Variants in DISC1 observed in about 807,000 individuals in gnomAD.
DISC1 encodes DISC1 scaffold protein.
A neutral mutation model predicts 84.5 loss-of-function variants in DISC1; 57 were observed. That is an observed-to-expected ratio of 0.67 (90% confidence interval 0.55 to 0.84). The LOEUF is 0.84. Ranked by LOEUF, DISC1 falls within the 40% of genes least tolerant of loss-of-function variation. DISC1 has a pLI of 0.00. For synonymous variants in DISC1, 411 were observed against 415.2 expected (o/e 0.99, Z 0.12); for missense variants, 1,000 against 1,057.8 (o/e 0.95, Z 0.76).
At chr1:231,664,474 G>C (rs940333668) in intron 1 of DISC1, among the ~76,000 whole-genome samples, 4 of 152,132 alleles carry the variant, frequency 2.6e-5, no homozygotes, top group Admixed American at 2.6e-4. Context: ...TTAAGTTAAG[G>C]ATCTTTAGAT....
At chr1:231,665,785 T>C (rs570205528) in intron 1 of DISC1, among the ~76,000 whole-genome samples, 1 of 152,330 alleles carries the variant, frequency 6.6e-6, no homozygotes, top group East Asian at 1.9e-4. Context: ...TCCCATGTTG[T>C]TCAAGGGTCA....
intron 3 of DISC1, among the ~76,000 whole-genome samples, chr1:231,744,846 A>G (rs986291072): frequency 6.6e-6 from 1 of 152,218 alleles, no homozygotes; most frequent in Non-Finnish European, 1.5e-5. Context: ...AGGAAAAAAC[A>G]CTACCTGTTA....
At chr1:232,008,421 A>G (rs1667728942) in intron 10 of DISC1, among the ~76,000 whole-genome samples, 1 of 152,204 alleles carries the variant, frequency 6.6e-6, no homozygotes, top group Non-Finnish European at 1.5e-5. Flanking sequence ...ATGGACAGAG[A>G]GAGTTGATCT....
At position 231,982,685 on chromosome 1, in the gene DISC1, A is replaced by G. The variant is rs1362555894; in HGVS notation, c.2042+23797A>G. 2.0e-5 allele frequency among the ~76,000 whole-genome samples: 3 copies of G among 151,304 alleles called. No individual in the cohort carries two copies. The East Asian group carries it at 5.8e-4, about 29-fold the overall frequency. On this transcript the variant is annotated intron_variant, in intron 10 of 12. Transcript: ENST00000439617. ...GCTTCTGGAAAGCGACTTAGGGGAA[A>G]CACTCAGGTGTCAGCCATGTGAAGA...
intron 9 of DISC1, among the ~76,000 whole-genome samples, chr1:231,941,949 A>G (rs1010537398): frequency 1.4e-5 from 2 of 144,698 alleles, no homozygotes; most frequent in Non-Finnish European, 3.0e-5. Flanking sequence ...GGCTTAAAGG[A>G]TAAGCAAGCT....
At chr1:231,924,802 G>A (rs1021589455) in intron 9 of DISC1, among the ~76,000 whole-genome samples, 9 of 151,642 alleles carry the variant, frequency 5.9e-5, no homozygotes, top group Non-Finnish European at 1.0e-4. Flanking sequence ...GATTACAGGC[G>A]CCTGCCACCA....
intron 12 of DISC1, among the ~76,000 whole-genome samples, chr1:232,034,281 A>G (rs1572707913): frequency 6.6e-6 from 1 of 152,210 alleles, no homozygotes. Flanking sequence ...GATGACTCAC[A>G]AAAGACACTA....
At chr1:231,850,115 C>T (rs1228312563) in intron 9 of DISC1, among the ~76,000 whole-genome samples, 2 of 152,180 alleles carry the variant, frequency 1.3e-5, no homozygotes, top group Non-Finnish European at 2.9e-5. Context: ...GGGCTGGGCC[C>T]CACCTACGGA....
intron 3 of DISC1, among the ~76,000 whole-genome samples, chr1:231,730,461 T>A (rs185118687): frequency 6.6e-6 from 1 of 152,344 alleles, no homozygotes; most frequent in Admixed American, 6.5e-5. Flanking sequence ...GGATACATGT[T>A]GTGCAGGTTT....
At chr1:231,725,696 C>G (rs1009866301) in intron 3 of DISC1, among the ~76,000 whole-genome samples, 1 of 152,240 alleles carries the variant, frequency 6.6e-6, no homozygotes, top group Non-Finnish European at 1.5e-5. Context: ...AAGTCAAGAA[C>G]CTTCCTGGGA....
intron 12 of DISC1, among the ~76,000 whole-genome samples, chr1:232,035,920 T>G (rs1670477069): frequency 6.6e-6 from 1 of 152,224 alleles, no homozygotes; most frequent in Non-Finnish European, 1.5e-5. Context: ...TGCTAAGTTC[T>G]CTATGATTGT....
rs2103000183 is a variant in DISC1 at position 232,009,679 on chromosome 1, CT to C, written c.2307+631del. 2 of 788,882 alleles carry C rather than the reference CT, an allele frequency of 2.5e-6. No homozygotes were observed. Among genetic ancestry groups the C allele is most frequent in the Non-Finnish European group, 3.1e-6 (2 of 651,030 alleles). The allele number at this position is 788,882 out of a possible 1,614,324, so 48.9% of individuals were successfully genotyped here. On this transcript the variant is annotated intron_variant, in intron 11 of 12. Coordinates refer to ENST00000439617, the MANE Select transcript of DISC1 (RefSeq NM_018662.3). The surrounding 1 kb of genome is among the most constrained non-coding windows in gnomAD (Gnocchi z 4.6). The stretch of plus-strand genomic sequence containing the variant: ...ACTTTCTTTTTCTCTCCCCTCTTTC[CT>C]CTCTCCCTTCCCCTTCCACTCCTCA...
chr1:231,632,626 A>C (rs1427856966), intron 1 of DISC1, among the ~76,000 whole-genome samples: 7 of 152,216 alleles, frequency 4.6e-5, no homozygotes, highest in Non-Finnish European at 1.0e-4. Flanking sequence ...CAGCAGAGTG[A>C]TTGTTAGAAC....
chr1:231,668,489 T>A (rs1258672655), intron 1 of DISC1, among the ~76,000 whole-genome samples: 3 of 152,134 alleles, frequency 2.0e-5, no homozygotes, highest in African/African-American at 7.2e-5. Context: ...AACACAGTGG[T>A]CCAAGAGATG....
intron 1 of DISC1, among the ~76,000 whole-genome samples, chr1:231,646,651 G>T (rs538612036): frequency 6.6e-6 from 1 of 152,132 alleles, no homozygotes; most frequent in Admixed American, 6.5e-5. Context: ...TTCCACAATG[G>T]TTGAACTAGT....
intron 8 of DISC1, among the ~76,000 whole-genome samples, chr1:231,810,722 T>A (rs1219898220): frequency 3.3e-5 from 5 of 152,202 alleles, no homozygotes; most frequent in African/African-American, 1.2e-4. Context: ...CCTGTGTGCT[T>A]GGTCAGGGGA....
intron 1 of DISC1, among the ~76,000 whole-genome samples, chr1:231,681,103 G>T (rs189055239): frequency 6.6e-6 from 1 of 152,194 alleles, no homozygotes; most frequent in Non-Finnish European, 1.5e-5. Context: ...CACCCTTGAG[G>T]GGGGCTCAGA....
intron 9 of DISC1, among the ~76,000 whole-genome samples, chr1:231,877,634 T>G (rs2085984647): frequency 6.6e-6 from 1 of 152,220 alleles, no homozygotes; most frequent in African/African-American, 2.4e-5. Context: ...CCATTGGTGT[T>G]CAGTGGATGT....
chr1:231,724,089 AC>A (rs2070272794), intron 3 of DISC1: 2 of 919,906 alleles, frequency 2.2e-6, no homozygotes, highest in Non-Finnish European at 2.6e-6. Context: ...GGATATTGTC[AC>A]CTGCTAATAG....
Sources: gnomAD v4.1 joint callset for allele counts (sites outside exome capture counted in the v4.1 genomes callset) on GRCh38, gnomAD v4.1.1 for gene constraint, Gnocchi (gnomAD v3.1) non-coding constraint, MANE v1.5 for transcripts, NCBI Gene and HGNC (gene_info 2026-07-23, HGNC 2026-07-21) for gene names.